MGST1: variants seen among roughly 807,000 people sequenced by gnomAD.
MGST1 encodes glutathione S-transferase 12.
Under a neutral mutation model 8.9 loss-of-function variants are expected in MGST1, and 5 were observed. The observed-to-expected ratio is 0.56, with a 90% CI of 0.29 to 1.19. MGST1 has a LOEUF of 1.19. MGST1 is among the 50% of genes most tolerant of loss of function. MGST1 has a pLI of 0.08. For missense variants in MGST1, 182 were observed against 187.4 expected, an observed-to-expected ratio of 0.97 and a Z score of 0.17; for synonymous variants, 54 against 67.8, an observed-to-expected ratio of 0.80 and a Z score of 1.00.
rs1377217539 is a variant in MGST1, at chr12:16,373,165, C to T, written c.222-2957C>T. ...AATCCAAGCACAGAAAGACAAATAT[C>T]TCATGTTCTCACTCATATGTGGGAG... is the stretch of plus-strand genomic sequence containing the variant. On this transcript the variant is annotated intron_variant, in intron 3 of 3. Coordinates refer to the MGST1 transcript ENST00000535309. 2.6e-5 allele frequency among the ~76,000 whole-genome samples: 4 copies of T among 151,558 alleles called. No individual in the cohort carries two copies. In the East Asian group the frequency reaches 7.7e-4, roughly 29 times the overall value.
chr12:16,394,489 T>C (rs1940583147), intron 1 of MGST1, among the ~76,000 whole-genome samples: 2 of 109,996 alleles, frequency 1.8e-5, no homozygotes, highest in South Asian at 3.2e-4. Context: ...TTTCTTCCTT[T>C]CTTTCTTTCT....
At chr12:16,501,121 A>G (rs940196395) in intron 4 of MGST1, among the ~76,000 whole-genome samples, 1 of 151,836 alleles carries the variant, frequency 6.6e-6, no homozygotes, top group Non-Finnish European at 1.5e-5. Context: ...AAAAAAAAGA[A>G]AGAAAGAGTA....
intron 4 of MGST1, among the ~76,000 whole-genome samples, chr12:16,563,863 T>A (rs1942490130): frequency 6.6e-6 from 1 of 152,208 alleles, no homozygotes; most frequent in Non-Finnish European, 1.5e-5. Flanking sequence ...TTGATCTATT[T>A]TGCTCATTTT....
Position 16,361,952 on chromosome 12 carries a change from C to T in MGST1, c.222-1843C>T, listed in dbSNP as rs1287327585. On this transcript the variant is annotated intron_variant, in intron 3 of 3. Coordinates refer to ENST00000396210, the MANE Select transcript of MGST1 (RefSeq NM_020300.5). The surrounding 1 kb of genome is among the most constrained non-coding windows in gnomAD (Gnocchi z 4.2). ...TCCTCTTACTGTCCTTGACTTTCTT[C>T]TCTGCTTTAACATTCCATTCTATTT... is the stretch of plus-strand genomic sequence containing the variant. 1.3e-5 allele frequency among the ~76,000 whole-genome samples: 2 copies of T among 152,196 alleles called. No individual in the cohort carries two copies. The highest frequency in any genetic ancestry group is 4.8e-5 in the African/African-American group (2 of 41,444).
intron 4 of MGST1, among the ~76,000 whole-genome samples, chr12:16,515,719 G>A (rs1941609348): frequency 6.6e-6 from 1 of 152,048 alleles, no homozygotes; most frequent in South Asian, 2.1e-4. Flanking sequence ...AAGAATAGTG[G>A]AGAGTAGGTA....
intron 4 of MGST1, among the ~76,000 whole-genome samples, chr12:16,511,910 C>A (rs1483002444): frequency 2.0e-5 from 3 of 151,968 alleles, no homozygotes; most frequent in Non-Finnish European, 4.4e-5. Context: ...TTATCTATAC[C>A]CTATGAACTG....
chr12:16,477,828 A>G (rs1381396848), intron 4 of MGST1, among the ~76,000 whole-genome samples: 2 of 152,190 alleles, frequency 1.3e-5, no homozygotes, highest in Admixed American at 1.3e-4. Context: ...GGTGGAAGCC[A>G]TCCTGTTTAC....
intron 4 of MGST1, among the ~76,000 whole-genome samples, chr12:16,530,057 A>G (rs1438146465): frequency 1.3e-5 from 2 of 152,136 alleles, no homozygotes; most frequent in Non-Finnish European, 2.9e-5. Context: ...AATAGAATGG[A>G]CTGATTCTGT....
At chr12:16,535,589 T>A (rs966696171) in intron 4 of MGST1, among the ~76,000 whole-genome samples, 1 of 152,182 alleles carries the variant, frequency 6.6e-6, no homozygotes, top group Admixed American at 6.5e-5. Flanking sequence ...TGGTCTATAG[T>A]GGAACCATGC....
intron 1 of MGST1, among the ~76,000 whole-genome samples, chr12:16,423,122 G>A (rs994510353): frequency 3.3e-5 from 5 of 152,120 alleles, no homozygotes; most frequent in African/African-American, 1.2e-4. Context: ...CAATCAGAGG[G>A]CTCATCTTAC....
In MGST1 at chr12:16,517,914, A is replaced by T. The variant is rs917367294; in HGVS notation, n.483-71614A>T. 2.0e-5 allele frequency among the ~76,000 whole-genome samples: 3 copies of T among 152,174 alleles called. No individual in the cohort carries two copies. The highest frequency in any genetic ancestry group is 7.2e-5 in the African/African-American group (3 of 41,448). On this transcript the variant is annotated intron_variant and non_coding_transcript_variant, in intron 4 of 4. Coordinates refer to the MGST1 transcript ENST00000538857. The surrounding 1 kb of genome is among the most constrained non-coding windows in gnomAD (Gnocchi z 4.2). The stretch of plus-strand genomic sequence containing the variant: ...TTTAGCCTTAAAGAGATGCATTTTC[A>T]TTTGATGTGATAAAACAATCAAATG...
chr12:16,349,373 G>T (rs894139094), intron 1 of MGST1, among the ~76,000 whole-genome samples: 2 of 152,064 alleles, frequency 1.3e-5, no homozygotes, highest in Non-Finnish European at 2.9e-5. Context: ...ACGGGGGTTT[G>T]GGGGGAGGGG....
intron 4 of MGST1, among the ~76,000 whole-genome samples, chr12:16,463,374 A>T (rs1941233594): frequency 7.1e-6 from 1 of 140,690 alleles, no homozygotes; most frequent in South Asian, 2.3e-4. Flanking sequence ...AGAGAAAGAG[A>T]TTGGCAATAA....
At chr12:16,404,520 A>G (rs1313572350) in intron 1 of MGST1, among the ~76,000 whole-genome samples, 3 of 151,934 alleles carry the variant, frequency 2.0e-5, no homozygotes, top group East Asian at 1.9e-4. Context: ...CTCTATTAGT[A>G]TAGAAACTAT....
downstream of MGST1, among the ~76,000 whole-genome samples, chr12:16,441,745 G>A (rs1191615785): frequency 1.3e-5 from 2 of 151,768 alleles, no homozygotes; most frequent in African/African-American, 2.4e-5. Flanking sequence ...ACCTACTGAA[G>A]AACATTTTGG....
At chr12:16,502,596 A>C (rs555760419) in intron 4 of MGST1, among the ~76,000 whole-genome samples, 127 of 152,352 alleles carry the variant, frequency 8.3e-4, no homozygotes, top group African/African-American at 2.9e-3. Flanking sequence ...GAGAAAAATA[A>C]ACCAGTTTAC....
chr12:16,465,259 T>C (rs779278938), intron 4 of MGST1, among the ~76,000 whole-genome samples: 5 of 152,214 alleles, frequency 3.3e-5, no homozygotes, highest in African/African-American at 4.8e-5. Context: ...GTGAAGTATA[T>C]GGAGCTGTTT....
intron 4 of MGST1, among the ~76,000 whole-genome samples, chr12:16,480,477 C>A (rs1941357192): frequency 6.6e-6 from 1 of 152,032 alleles, no homozygotes; most frequent in African/African-American, 2.4e-5. Flanking sequence ...TTGAGAAAAT[C>A]AGAATACAAG....
chr12:16,581,380 G>C (rs943251444), intron 4 of MGST1, among the ~76,000 whole-genome samples: 1 of 152,118 alleles, frequency 6.6e-6, no homozygotes, highest in African/African-American at 2.4e-5. Flanking sequence ...TAATAATACT[G>C]TAGTTCCCAA....
Sources: allele counts gnomAD v4.1 joint callset (sites outside exome capture counted in the v4.1 genomes callset), GRCh38; gene constraint gnomAD v4.1.1; non-coding constraint Gnocchi (gnomAD v3.1); transcripts MANE v1.5; gene names NCBI Gene and HGNC (gene_info 2026-07-23, HGNC 2026-07-21).